The following PSMB2 variants were observed in gnomAD, a reference collection of about 807,000 sequenced individuals.
PSMB2 encodes proteasome subunit beta type-2.
A neutral mutation model predicts 25.7 loss-of-function variants in PSMB2; 13 were observed. That is an observed-to-expected ratio of 0.51 (90% CI 0.33 to 0.80). The LOEUF (loss-of-function observed/expected upper bound fraction) is 0.80, where lower values mean the gene tolerates loss of function less well. PSMB2 is among the 30% of genes least tolerant of loss of function. PSMB2 has a pLI of 0.02. For missense variants in PSMB2, 202 were observed against 259.0 expected (o/e 0.78, Z 1.51); for synonymous variants, 87 against 96.2 (o/e 0.90, Z 0.56).
chr1:35,602,706 C>T lies in PSMB2; in HGVS notation c.*561G>A, dbSNP rs1180748726. ...AGAGACGGGGTTTTACCATGTTGGT[C>T]AGGATGGTCTCGCTCTCTTGACCTC... On this transcript the variant is annotated 3_prime_UTR_variant, in exon 6 of 6. Coordinates refer to ENST00000373237, the MANE Select transcript of PSMB2 (RefSeq NM_002794.5). The T allele has an allele frequency of 1.8e-5, 3 of 171,324 alleles. No homozygotes were observed. The highest frequency in any genetic ancestry group is 2.3e-5 in the Non-Finnish European group (2 of 85,606). The allele number at this position is 171,324 out of a possible 1,614,324, so 10.6% of individuals were successfully genotyped here.
intron 3 of PSMB2, among the ~76,000 whole-genome samples, chr1:35,611,602 T>C (rs935138064): frequency 6.6e-6 from 1 of 152,124 alleles, no homozygotes; most frequent in Non-Finnish European, 1.5e-5. Context: ...GGCGGGCAGA[T>C]TACTTGAGGT....
At position 35,601,816 on chromosome 1, in the gene PSMB2, C is replaced by T; in HGVS notation, c.*1451G>A. 1.0e-6 allele frequency: 1 copy of T among 985,450 alleles called. No homozygotes were observed. The highest frequency in any genetic ancestry group is 1.2e-6 in the Non-Finnish European group (1 of 829,938). 61.0% of individuals were successfully genotyped at this position (985,450 alleles called of 1,614,324 possible). On this transcript the variant is annotated 3_prime_UTR_variant, in exon 6 of 6. Coordinates refer to ENST00000373237, the MANE Select transcript of PSMB2 (RefSeq NM_002794.5). The stretch of plus-strand genomic sequence containing the variant: ...TGTGAGATGAACATTCTGAAACACA[C>T]ATCTGGTCAAGAACCACTGTTTTAA...
intron 3 of PSMB2, among the ~76,000 whole-genome samples, chr1:35,629,769 C>T (rs940898797): frequency 2.0e-5 from 3 of 150,854 alleles, no homozygotes; most frequent in African/African-American, 4.9e-5. Context: ...GAGATCACAC[C>T]ACTACACTCC....
intron 2 of PSMB2, among the ~76,000 whole-genome samples, chr1:35,632,820 G>A (rs1182253241): frequency 6.6e-6 from 1 of 151,996 alleles, no homozygotes; most frequent in Admixed American, 6.6e-5. Context: ...CCTGAGCCTG[G>A]GAATTCGAGG....
chr1:35,605,255 A>C lies in PSMB2; in HGVS notation c.476T>G (p.Leu159Arg), dbSNP rs764924617. 4.3e-6 allele frequency: 7 copies of C among 1,613,286 alleles called. No homozygotes were observed. The highest frequency in any genetic ancestry group is 5.1e-6 in the Non-Finnish European group (6 of 1,179,666). Residue 159 changes from leucine to arginine, a missense_variant, in exon 5 of 6, where the codon CTC becomes CGC. By Grantham distance (102) the Leu-to-Arg change is moderately radical. Coordinates refer to ENST00000373237, the MANE Select transcript of PSMB2 (RefSeq NM_002794.5). ...PTISRERAVE[L>R]LRKCLEELQK... ...CACCTCCTCCAGACATTTCCTAAGG[A>C]GTTCCACTGCCCTCTCACGTGAGAT...
chr1:35,610,105 G>A lies in PSMB2; in HGVS notation c.286-697C>T, dbSNP rs111294532. Among the ~76,000 whole-genome samples the A allele has an allele frequency of 1.9e-3, 284 of 152,262 alleles. 4 individuals carry two copies. Among genetic ancestry groups the A allele is most frequent in the African/African-American group, 6.4e-3 (264 of 41,546 alleles). On this transcript the variant is annotated intron_variant, in intron 3 of 5. Coordinates refer to ENST00000373237, the MANE Select transcript of PSMB2 (RefSeq NM_002794.5). Reference sequence around the variant, plus strand: ...ATAAACAAACTCAGTCTGGGCATCTGGACCAATCCCAAATGGTAAACTGCA... The same window carrying A: ...ATAAACAAACTCAGTCTGGGCATCTAGACCAATCCCAAATGGTAAACTGCA...
rs763017595 is a variant in PSMB2, at chr1:35,601,671, C to T, written c.*1596G>A. ...ATTTAATCACAGACAAAACAAAAAC[C>T]TATCTGTATATGATATTAAGAGGAG... is the stretch of plus-strand genomic sequence containing the variant. On this transcript the variant is annotated 3_prime_UTR_variant, in exon 6 of 6. Transcript: ENST00000373237. The T allele has an allele frequency of 3.0e-4, 293 of 985,106 alleles. No individual in the cohort carries two copies. Among genetic ancestry groups the T allele is most frequent in the Non-Finnish European group, 3.4e-4 (280 of 829,808 alleles). 61.0% of individuals were successfully genotyped at this position (985,106 alleles called of 1,614,324 possible).
At chr1:35,632,334 G>A (rs533142549) in intron 2 of PSMB2, among the ~76,000 whole-genome samples, 1 of 152,312 alleles carries the variant, frequency 6.6e-6, no homozygotes, top group East Asian at 1.9e-4. Context: ...CCTGTAGAAT[G>A]GGACCAGTGC....
chr1:35,625,171 T>G (rs1650816556), intron 3 of PSMB2, among the ~76,000 whole-genome samples: 1 of 152,232 alleles, frequency 6.6e-6, no homozygotes, highest in African/African-American at 2.4e-5. Context: ...TTCAACTTAT[T>G]ATTTCTACTG....
chr1:35,633,232 A>G (rs1441147457), intron 2 of PSMB2, among the ~76,000 whole-genome samples: 1 of 151,930 alleles, frequency 6.6e-6, no homozygotes. Flanking sequence ...AAAAAGAAAA[A>G]AAAAAAAAAA....
rs1365313681 is a variant in PSMB2 at position 35,629,523 on chromosome 1, C to T, written c.285+1751G>A. ...AGTCATAGAAAAACACAGGTAAGTA[C>T]GCCAGGTACAGTGAGTGGCTCATTC... On this transcript the variant is annotated intron_variant, in intron 3 of 5. Coordinates refer to ENST00000373237, the MANE Select transcript of PSMB2 (RefSeq NM_002794.5). Among the ~76,000 whole-genome samples the T allele has an allele frequency of 3.9e-5, 6 of 152,100 alleles. No homozygotes were observed. The East Asian group carries it at 7.7e-4, about 20-fold the overall frequency.
chr1:35,628,376 G>C (rs757795905), intron 3 of PSMB2, among the ~76,000 whole-genome samples: 1 of 151,432 alleles, frequency 6.6e-6, no homozygotes, highest in Non-Finnish European at 1.5e-5. Flanking sequence ...TGATATTTAT[G>C]ACACAGTATT....
intron 3 of PSMB2, among the ~76,000 whole-genome samples, chr1:35,625,386 ATACCTGTCTCTCTATCTGTTAAATGG>A (rs1422721240): frequency 1.3e-5 from 2 of 152,174 alleles, no homozygotes; most frequent in Non-Finnish European, 2.9e-5. Flanking sequence ...TGCCTGGTTT[ATACCTGTCTCTCTATCTGTTAAATGG>A]AGATAATTTT....
At chr1:35,607,750 T>A (rs547840591) in intron 4 of PSMB2, among the ~76,000 whole-genome samples, 2 of 152,304 alleles carry the variant, frequency 1.3e-5, no homozygotes, top group South Asian at 4.1e-4. Context: ...TGCACCCCAG[T>A]GTTTACTGCA....
chr1:35,628,621 A>T (rs1365045886), intron 3 of PSMB2, among the ~76,000 whole-genome samples: 11 of 46,582 alleles, frequency 2.4e-4, no homozygotes, highest in African/African-American at 8.8e-4. Flanking sequence ...ATATATATAT[A>T]TATATATATA....
rs377758209 is a variant in PSMB2 at position 35,599,953 on chromosome 1, C to A, written c.*3314G>T. On this transcript the variant is annotated 3_prime_UTR_variant, in exon 6 of 6. Transcript: ENST00000373237. ...TTCGAGACCAGCCTAGGCAACATGG[C>A]GAGACCCTGTCTCTACAAAAAATTT... The A allele has an allele frequency of 4.7e-5, 35 of 740,462 alleles. No individual in the cohort carries two copies. In the African/African-American group the frequency reaches 6.5e-4, roughly 14 times the overall value. 45.9% of individuals were successfully genotyped at this position (740,462 alleles called of 1,614,324 possible).
intron 2 of PSMB2, among the ~76,000 whole-genome samples, chr1:35,634,988 G>A (rs185323091): frequency 3.2e-4 from 48 of 152,126 alleles, no homozygotes; most frequent in Admixed American, 1.6e-3. Context: ...GGCCGGGCGT[G>A]GTGGCTCACA....
chr1:35,613,377 G>GAAAAAAAAA (rs749433885), intron 3 of PSMB2, among the ~76,000 whole-genome samples: 1 of 139,998 alleles, frequency 7.1e-6, no homozygotes, highest in South Asian at 2.3e-4. Context: ...GTCTCTATGG[G>GAAAAAAAAA]AAAAAAAAAA....
intron 3 of PSMB2, among the ~76,000 whole-genome samples, chr1:35,628,005 T>C (rs1017905754): frequency 6.6e-6 from 1 of 152,210 alleles, no homozygotes; most frequent in Non-Finnish European, 1.5e-5. Context: ...ATGAGTCACA[T>C]CTGCCAACTG....
Sources: allele counts gnomAD v4.1 joint callset (sites outside exome capture counted in the v4.1 genomes callset), GRCh38; gene constraint gnomAD v4.1.1; transcripts MANE v1.5; gene names NCBI Gene and HGNC (gene_info 2026-07-23, HGNC 2026-07-21).